Variants in IGSF21 observed in about 807,000 individuals in gnomAD.
IGSF21 encodes the protein immunoglobulin superfamily member 21.
Under a neutral mutation model 46.8 loss-of-function variants are expected in IGSF21, and 28 were observed. That is an observed-to-expected ratio of 0.60 (90% CI 0.44 to 0.82). The LOEUF (loss-of-function observed/expected upper bound fraction) is 0.82. IGSF21 is among the 40% of genes least tolerant of loss of function. The pLI is 0.00. For missense variants in IGSF21, 624 were observed against 665.5 expected (o/e 0.94, Z 0.69); for synonymous variants, 284 against 273.6 (o/e 1.04, Z -0.38).
At chr1:18,151,968 C>T (rs188113582) in intron 1 of IGSF21, among the ~76,000 whole-genome samples, 1 of 152,238 alleles carries the variant, frequency 6.6e-6, no homozygotes, top group Admixed American at 6.5e-5. Context: ...ACGTGGTCAC[C>T]CTACTCATCA....
At chr1:18,285,067 C>T (rs574850100) in intron 2 of IGSF21, among the ~76,000 whole-genome samples, 5 of 152,248 alleles carry the variant, frequency 3.3e-5, no homozygotes, top group African/African-American at 9.6e-5. Context: ...CCAGCCGTGG[C>T]GGGATTGGCC....
chr1:18,121,060 C>A (rs1220188674), intron 1 of IGSF21, among the ~76,000 whole-genome samples: 1 of 152,178 alleles, frequency 6.6e-6, no homozygotes, highest in East Asian at 1.9e-4. Context: ...TGGCTCCTAT[C>A]ATGTGCAGCC....
intron 1 of IGSF21, 64 bp from the exon 2 acceptor site, chr1:18,227,834 C>T: frequency 8.3e-7 from 1 of 1,206,604 alleles, no homozygotes; most frequent in South Asian, 1.2e-5. Context: ...TGGCCCTGCC[C>T]TCATCAGCCC....
At chr1:18,271,207 T>C (rs968945600) in intron 2 of IGSF21, among the ~76,000 whole-genome samples, 1 of 152,192 alleles carries the variant, frequency 6.6e-6, no homozygotes. Context: ...ACCGTAGACA[T>C]ACCATTCCAT....
chr1:18,245,838 C>A (rs2084778389), intron 2 of IGSF21, among the ~76,000 whole-genome samples: 1 of 152,124 alleles, frequency 6.6e-6, no homozygotes, highest in African/African-American at 2.4e-5. Flanking sequence ...CCCAGGAGGT[C>A]CCAAACCACT....
Position 18,232,209 on chromosome 1 carries a change from C to CTTTTTTTTT in IGSF21, c.183+4207_183+4208insTTTTTTTTT, listed in dbSNP as rs55775011. Among the ~76,000 whole-genome samples, 237 of 105,016 alleles carry CTTTTTTTTT rather than the reference C, an allele frequency of 2.3e-3. 39 individuals are homozygous for CTTTTTTTTT. The highest frequency in any genetic ancestry group is 5.0e-3 in the African/African-American group (144 of 29,006). 68.9% of individuals were successfully genotyped at this position (105,016 alleles called of 152,430 possible). On this transcript the variant is annotated intron_variant, in intron 2 of 9. Transcript: ENST00000251296. ...GCTCATATAGATAAGCTCCAGACAG[C>CTTTTTTTTT]TTTTTTTTGGCTAATAGAGTAGGGG...
At chr1:18,234,165 C>G (rs1431757206) in intron 2 of IGSF21, among the ~76,000 whole-genome samples, 1 of 152,160 alleles carries the variant, frequency 6.6e-6, no homozygotes, top group African/African-American at 2.4e-5. Context: ...ACCCCACATT[C>G]TGATCTTGAG....
At chr1:18,190,765 T>A (rs1351481546) in intron 1 of IGSF21, among the ~76,000 whole-genome samples, 1 of 152,166 alleles carries the variant, frequency 6.6e-6, no homozygotes, top group Non-Finnish European at 1.5e-5. Flanking sequence ...ATCGGGGATT[T>A]GTGAGCTTGT....
In IGSF21 at chr1:18,314,058, T is replaced by C. The variant is rs180824484; in HGVS notation, c.306-20834T>C. 6.9e-4 allele frequency among the ~76,000 whole-genome samples: 105 copies of C among 152,314 alleles called. 1 individual carries two copies. The South Asian group carries it at 0.018, about 26-fold the overall frequency. On this transcript the variant is annotated intron_variant, in intron 3 of 9. Transcript: ENST00000251296. ...TAAATTAGACAGAATGAAAATATCA[T>C]TGGGCAAGGCTGCACACTGAAGCAT...
intron 1 of IGSF21, among the ~76,000 whole-genome samples, chr1:18,168,884 C>T (rs926985068): frequency 2.6e-5 from 4 of 152,156 alleles, no homozygotes; most frequent in African/African-American, 7.2e-5. Flanking sequence ...GCAGTAAACA[C>T]GGGGTTCTGG....
intron 3 of IGSF21, among the ~76,000 whole-genome samples, chr1:18,310,043 AT>A (rs1313672752): frequency 1.3e-5 from 2 of 152,030 alleles, no homozygotes. Flanking sequence ...ACCACTAAAG[AT>A]CCCCAGTCCC....
chr1:18,183,721 T>C (rs2086877556), intron 1 of IGSF21, among the ~76,000 whole-genome samples: 2 of 152,174 alleles, frequency 1.3e-5, no homozygotes, highest in African/African-American at 4.8e-5. Flanking sequence ...CCAGCTGGGC[T>C]TGGCTCCAGA....
At chr1:18,135,712 C>T (rs1415672293) in intron 1 of IGSF21, among the ~76,000 whole-genome samples, 1 of 152,124 alleles carries the variant, frequency 6.6e-6, no homozygotes, top group African/African-American at 2.4e-5. Flanking sequence ...AATAGTGCCG[C>T]AATAAATATA....
chr1:18,273,765 C>A (rs1455488888), intron 2 of IGSF21, among the ~76,000 whole-genome samples: 1 of 151,866 alleles, frequency 6.6e-6, no homozygotes, highest in Non-Finnish European at 1.5e-5. Flanking sequence ...CTTCCTCTCT[C>A]CCAAAGGAAA....
intron 3 of IGSF21, among the ~76,000 whole-genome samples, chr1:18,323,489 A>C (rs949744074): frequency 3.9e-5 from 6 of 152,168 alleles, no homozygotes; most frequent in African/African-American, 1.4e-4. Flanking sequence ...GTGAGTCAAG[A>C]GTTGTCCCCT....
chr1:18,249,249 G>A (rs2084813502), intron 2 of IGSF21, among the ~76,000 whole-genome samples: 1 of 152,164 alleles, frequency 6.6e-6, no homozygotes, highest in South Asian at 2.1e-4. Flanking sequence ...CTTGAACTGG[G>A]ATTAGGGGAG....
chr1:18,155,145 G>A (rs1324862782), intron 1 of IGSF21, among the ~76,000 whole-genome samples: 3 of 151,992 alleles, frequency 2.0e-5, no homozygotes, highest in African/African-American at 7.2e-5. Flanking sequence ...GGGCCCCATG[G>A]CACTGTGCAT....
At chr1:18,156,445 A>T (rs965774197) in intron 1 of IGSF21, among the ~76,000 whole-genome samples, 16 of 152,240 alleles carry the variant, frequency 1.1e-4, no homozygotes, top group South Asian at 4.1e-4. Context: ...AGTAGGCGAC[A>T]GGGCTGGGAT....
At chr1:18,151,700 T>G (rs889391338) in intron 1 of IGSF21, among the ~76,000 whole-genome samples, 1 of 151,704 alleles carries the variant, frequency 6.6e-6, no homozygotes, top group Non-Finnish European at 1.5e-5. Flanking sequence ...GGACCACAAC[T>G]GACTCACACA....
Sources: gnomAD v4.1 joint callset for allele counts (sites outside exome capture counted in the v4.1 genomes callset) on GRCh38, gnomAD v4.1.1 for gene constraint, MANE v1.5 for transcripts, NCBI Gene and HGNC (gene_info 2026-07-23, HGNC 2026-07-21) for gene names.